TESK2: variants seen among roughly 807,000 people sequenced by gnomAD.
The protein encoded by TESK2 is testis associated actin remodelling kinase 2, also known as dual specificity testis-specific protein kinase 2.
Under a neutral mutation model 57.1 loss-of-function variants are expected in TESK2, and 39 were observed. The observed-to-expected ratio is 0.68, with a 90% CI of 0.53 to 0.89. The LOEUF (loss-of-function observed/expected upper bound fraction) is 0.89, where lower values mean the gene tolerates loss of function less well. TESK2 is among the 40% of genes least tolerant of loss of function. The pLI is 0.00. For synonymous variants in TESK2, 249 were observed against 267.9 expected, an observed-to-expected ratio of 0.93 and a Z score of 0.69; for missense variants, 646 against 732.1, an observed-to-expected ratio of 0.88 and a Z score of 1.36.
intron 4 of TESK2, among the ~76,000 whole-genome samples, chr1:45,381,860 CTTTTT>C (rs748886310): frequency 1.1e-5 from 1 of 91,926 alleles, no homozygotes; most frequent in Non-Finnish European, 2.2e-5. Flanking sequence ...CATTCCTATT[CTTTTT>C]TTTTTTTTTT....
intron 1 of TESK2, among the ~76,000 whole-genome samples, chr1:45,469,235 G>C (rs1198235999): frequency 6.6e-6 from 1 of 152,000 alleles, no homozygotes; most frequent in Non-Finnish European, 1.5e-5. Flanking sequence ...TCCAAAGTAA[G>C]AATTCCAAAA....
At chr1:45,398,765 G>T (rs1014465028) in intron 3 of TESK2, 7 of 292,854 alleles carry the variant, frequency 2.4e-5, no homozygotes, top group African/African-American at 1.5e-4. Flanking sequence ...ATTATAGTTG[G>T]TTAAGACTGT....
rs1652680918 is a variant in TESK2, at chr1:45,469,460, A to G, written c.-86-11589T>C. On this transcript the variant is annotated intron_variant, in intron 1 of 10. Coordinates refer to ENST00000372086, the MANE Select transcript of TESK2 (RefSeq NM_007170.3). ...GAAAAAGAAATCAAAATCCTGAGAG[A>G]TTATGACTTCTCCAAATATAAACAA... Among the ~76,000 whole-genome samples the G allele has an allele frequency of 2.0e-5, 3 of 152,356 alleles. 1 individual carries two copies. The highest frequency in any genetic ancestry group is 6.8e-3 in the Middle Eastern group (2 of 294).
chr1:45,344,651 AGG>A lies in TESK2; in HGVS notation c.*187_*188del. 1 of 596,532 alleles carries A rather than the reference AGG, an allele frequency of 1.7e-6. No homozygotes were observed. Among genetic ancestry groups the A allele is most frequent in the Non-Finnish European group, 3.0e-6 (1 of 338,252 alleles). The allele number at this position is 596,532 out of a possible 1,614,324, so 37.0% of individuals were successfully genotyped here. On this transcript the variant is annotated 3_prime_UTR_variant, in exon 11 of 11. Transcript: ENST00000372086. Reference sequence around the variant, plus strand: ...TTGGTATCAGCTGTTGGCCCTAACTAGGAAGGCCTCTCACTGCTGCCTCCCGT... The same window carrying A: ...TTGGTATCAGCTGTTGGCCCTAACTAAAGGCCTCTCACTGCTGCCTCCCGT...
intron 3 of TESK2, among the ~76,000 whole-genome samples, chr1:45,404,147 A>G (rs1302720822): frequency 3.9e-5 from 6 of 152,202 alleles, no homozygotes; most frequent in Admixed American, 2.6e-4. Context: ...AATCTATGTG[A>G]GCACATTTCT....
At chr1:45,423,805 A>T in intron 2 of TESK2, among the ~76,000 whole-genome samples, 1 of 152,294 alleles carries the variant, frequency 6.6e-6, no homozygotes, top group African/African-American at 2.4e-5. Flanking sequence ...GCATGTGTAA[A>T]TATTATTTAT....
intron 2 of TESK2, among the ~76,000 whole-genome samples, chr1:45,453,264 T>C (rs1651945607): frequency 6.6e-6 from 1 of 150,542 alleles, no homozygotes; most frequent in African/African-American, 2.5e-5. Context: ...GGAGGATCAC[T>C]TGAGTCTGGG....
intron 4 of TESK2, among the ~76,000 whole-genome samples, chr1:45,360,064 C>G (rs1647615102): frequency 6.6e-6 from 1 of 152,150 alleles, no homozygotes; most frequent in Non-Finnish European, 1.5e-5. Flanking sequence ...TCCAACTTCT[C>G]AAAAGGGAAA....
chr1:45,483,107 A>G (rs1653300325), intron 1 of TESK2, among the ~76,000 whole-genome samples: 2 of 148,952 alleles, frequency 1.3e-5, no homozygotes, highest in Admixed American at 6.8e-5. Context: ...GCGAAACCCC[A>G]TCTCTACTAA....
chr1:45,450,387 C>T (rs1356945771), intron 2 of TESK2, among the ~76,000 whole-genome samples: 3 of 152,038 alleles, frequency 2.0e-5, no homozygotes, highest in Non-Finnish European at 4.4e-5. Context: ...TGGCATGAGC[C>T]TGAAATCCCA....
At chr1:45,484,958 G>A (rs1349399143) in intron 1 of TESK2, among the ~76,000 whole-genome samples, 1 of 143,382 alleles carries the variant, frequency 7.0e-6, no homozygotes, top group Non-Finnish European at 1.5e-5. Flanking sequence ...GTGAACCCGG[G>A]AGGCGGAGCT....
chr1:45,440,033 C>A (rs1651378120), intron 2 of TESK2, among the ~76,000 whole-genome samples: 1 of 151,654 alleles, frequency 6.6e-6, no homozygotes, highest in South Asian at 2.1e-4. Flanking sequence ...GATCTTGGCT[C>A]ACTGCAATCT....
At chr1:45,393,798 AATATACT>A (rs1649245708) in intron 3 of TESK2, among the ~76,000 whole-genome samples, 1 of 152,142 alleles carries the variant, frequency 6.6e-6, no homozygotes, top group South Asian at 2.1e-4. Flanking sequence ...GTAAAAAAAC[AATATACT>A]ATAAAGAGGA....
At chr1:45,459,685 A>G (rs1195136847) in intron 1 of TESK2, among the ~76,000 whole-genome samples, 1 of 152,114 alleles carries the variant, frequency 6.6e-6, no homozygotes, top group Non-Finnish European at 1.5e-5. Context: ...GTATGAAAAA[A>G]TGTAAAAACT....
intron 2 of TESK2, among the ~76,000 whole-genome samples, chr1:45,454,791 T>C (rs1459168818): frequency 2.0e-5 from 3 of 152,064 alleles, no homozygotes; most frequent in East Asian, 3.8e-4. Context: ...ATATGACATA[T>C]ATACACAATG....
At chr1:45,431,536 T>C (rs1182508501) in intron 2 of TESK2, among the ~76,000 whole-genome samples, 1 of 152,158 alleles carries the variant, frequency 6.6e-6, no homozygotes, top group Admixed American at 6.5e-5. Flanking sequence ...AACAAAGACA[T>C]GATGCGCACA....
chr1:45,442,663 G>A (rs1278276281), intron 2 of TESK2, among the ~76,000 whole-genome samples: 1 of 152,126 alleles, frequency 6.6e-6, no homozygotes, highest in Non-Finnish European at 1.5e-5. Flanking sequence ...CTTACTAGAG[G>A]GTAGAAGCTG....
At chr1:45,378,751 C>T (rs1249075698) in intron 4 of TESK2, among the ~76,000 whole-genome samples, 1 of 152,156 alleles carries the variant, frequency 6.6e-6, no homozygotes, top group African/African-American at 2.4e-5. Context: ...TTATCCTAAA[C>T]CTAAAGCCTA....
chr1:45,481,422 C>T (rs1653220899), intron 1 of TESK2, among the ~76,000 whole-genome samples: 1 of 151,856 alleles, frequency 6.6e-6, no homozygotes, highest in African/African-American at 2.4e-5. Flanking sequence ...GAACCATGGG[C>T]AACTGTACAT....
Sources: allele counts gnomAD v4.1 joint callset (sites outside exome capture counted in the v4.1 genomes callset), GRCh38; gene constraint gnomAD v4.1.1; transcripts MANE v1.5; gene names NCBI Gene and HGNC (gene_info 2026-07-23, HGNC 2026-07-21).